Variants in NRXN3 observed in about 807,000 individuals in gnomAD.
NRXN3 encodes the protein neurexin III.
A neutral mutation model predicts 137.6 loss-of-function variants in NRXN3; 32 were observed. The observed-to-expected ratio is 0.23, with a 90% CI of 0.18 to 0.31. The LOEUF is 0.31. Among genes scored for constraint, NRXN3 ranks in the 10% least tolerant of loss-of-function variants. The pLI is 1.00. For missense variants in NRXN3, 1,574 were observed against 2,062.5 expected (o/e 0.76, Z 4.59); for synonymous variants, 798 against 784.5 (o/e 1.02, Z -0.29).
chr14:78,340,845 G>A (rs2082069680), intron 4 of NRXN3, among the ~76,000 whole-genome samples: 1 of 152,110 alleles, frequency 6.6e-6, no homozygotes, highest in African/African-American at 2.4e-5. Flanking sequence ...TGGGTGGTGT[G>A]ATTGGCAGCC....
chr14:79,478,236 C>A (rs561648440), intron 16 of NRXN3, among the ~76,000 whole-genome samples: 1 of 148,506 alleles, frequency 6.7e-6, no homozygotes, highest in African/African-American at 2.5e-5. Flanking sequence ...TATACATATA[C>A]AAGATAAAGG....
At chr14:78,590,897 C>CAAAACAAA (rs989935449) in intron 4 of NRXN3, among the ~76,000 whole-genome samples, 7 of 151,226 alleles carry the variant, frequency 4.6e-5, no homozygotes, top group African/African-American at 1.7e-4. Context: ...GACTCTGTCT[C>CAAAACAAA]AAAACAAACA....
chr14:79,758,789 T>C (rs2139342570), intron 19 of NRXN3, among the ~76,000 whole-genome samples: 1 of 152,228 alleles, frequency 6.6e-6, no homozygotes, highest in East Asian at 1.9e-4. Context: ...CAAGAAACCT[T>C]AACGGGACTG....
chr14:79,426,735 G>C (rs2095659927), intron 15 of NRXN3, among the ~76,000 whole-genome samples: 1 of 152,178 alleles, frequency 6.6e-6, no homozygotes, highest in Non-Finnish European at 1.5e-5. Flanking sequence ...AGAAGGGACT[G>C]TCATGGGGAG....
At chr14:78,645,838 ATTAAGTTAG>A (rs2097681844) in intron 5 of NRXN3, among the ~76,000 whole-genome samples, 1 of 151,966 alleles carries the variant, frequency 6.6e-6, no homozygotes, top group Non-Finnish European at 1.5e-5. Context: ...TTTCTTTTTA[ATTAAGTTAG>A]CCATTGCCAC....
chr14:78,172,774 G>C (rs1288062957), intron 1 of NRXN3, among the ~76,000 whole-genome samples: 1 of 152,102 alleles, frequency 6.6e-6, no homozygotes, highest in Non-Finnish European at 1.5e-5. Context: ...GCCCTTTCTA[G>C]TGAAATAATA....
chr14:78,683,591 CAT>C (rs1276248092), intron 6 of NRXN3, among the ~76,000 whole-genome samples: 1 of 152,166 alleles, frequency 6.6e-6, no homozygotes, highest in East Asian at 1.9e-4. Flanking sequence ...TAGGTTATGA[CAT>C]GTAGTTGAGA....
At chr14:78,497,452 G>A (rs948890738) in intron 4 of NRXN3, among the ~76,000 whole-genome samples, 11 of 152,080 alleles carry the variant, frequency 7.2e-5, no homozygotes, top group African/African-American at 2.7e-4. Context: ...TGGGGGAATT[G>A]TATTGATTTA....
At chr14:78,526,650 A>G in intron 4 of NRXN3, 1 of 404,256 alleles carries the variant, frequency 2.5e-6, no homozygotes, top group South Asian at 1.9e-5. Flanking sequence ...ATAGTAACTA[A>G]CAATTAACTG....
intron 15 of NRXN3, among the ~76,000 whole-genome samples, chr14:79,320,817 A>G (rs920045104): frequency 4.6e-5 from 7 of 151,992 alleles, no homozygotes; most frequent in African/African-American, 1.7e-4. Flanking sequence ...TGGATAGATC[A>G]TGACACTGAC....
At chr14:79,617,946 A>T (rs2098179424) in intron 16 of NRXN3, among the ~76,000 whole-genome samples, 1 of 147,002 alleles carries the variant, frequency 6.8e-6, no homozygotes, top group African/African-American at 2.6e-5. Context: ...GCTTATGAAG[A>T]GCTGCCTAGT....
intron 15 of NRXN3, among the ~76,000 whole-genome samples, chr14:79,227,384 A>G (rs1416014658): frequency 6.6e-6 from 1 of 151,870 alleles, no homozygotes; most frequent in African/African-American, 2.4e-5. Context: ...CTTTCCCTAC[A>G]TGGTGTTTTC....
intron 8 of NRXN3, among the ~76,000 whole-genome samples, chr14:78,740,847 G>C (rs1342818740): frequency 6.6e-6 from 1 of 151,188 alleles, no homozygotes; most frequent in African/African-American, 2.4e-5. Context: ...TTTTCTTTTG[G>C]TTAGCTCTGA....
intron 15 of NRXN3, among the ~76,000 whole-genome samples, chr14:79,156,352 A>G (rs1189514682): frequency 6.6e-6 from 1 of 151,356 alleles, no homozygotes; most frequent in East Asian, 1.9e-4. Context: ...AAAAAGTATT[A>G]CTAATAATGA....
At chr14:79,813,536 T>A (rs937867655) in intron 20 of NRXN3, among the ~76,000 whole-genome samples, 1 of 152,174 alleles carries the variant, frequency 6.6e-6, no homozygotes, top group African/African-American at 2.4e-5. Flanking sequence ...TACTGAGAGA[T>A]ATATAGATAT....
At chr14:79,676,163 T>A (rs1232538198) in intron 17 of NRXN3, among the ~76,000 whole-genome samples, 1 of 152,048 alleles carries the variant, frequency 6.6e-6, no homozygotes. Context: ...ATTGATCTGA[T>A]GTTCTGAGGA....
At chr14:78,292,180 G>C (rs1005848760) in intron 3 of NRXN3, among the ~76,000 whole-genome samples, 5 of 152,224 alleles carry the variant, frequency 3.3e-5, no homozygotes, top group African/African-American at 9.7e-5. Flanking sequence ...CAGGCTTCAT[G>C]ATGGCCACAG....
At chr14:79,524,910 C>T (rs528827685) in intron 16 of NRXN3, among the ~76,000 whole-genome samples, 6 of 152,222 alleles carry the variant, frequency 3.9e-5, no homozygotes, top group South Asian at 2.1e-4. Flanking sequence ...GAAAACCCAG[C>T]GAGGCCTGGC....
At chr14:79,225,359 A>T (rs1047154589) in intron 15 of NRXN3, among the ~76,000 whole-genome samples, 1 of 152,174 alleles carries the variant, frequency 6.6e-6, no homozygotes, top group Non-Finnish European at 1.5e-5. Flanking sequence ...GAGCTTCCCT[A>T]CTTGGCCATA....
Sources: allele counts gnomAD v4.1 joint callset (sites outside exome capture counted in the v4.1 genomes callset), GRCh38; gene constraint gnomAD v4.1.1; transcripts MANE v1.5; gene names NCBI Gene and HGNC (gene_info 2026-07-23, HGNC 2026-07-21).